Variants in LMO7 observed in about 807,000 individuals in gnomAD.
The protein encoded by LMO7 is LIM domain 7.
In LMO7, 120 loss-of-function variants were observed where a neutral mutation model predicts 206.5. The ratio of observed to expected loss-of-function variants is 0.58; its 90% confidence interval spans 0.50 to 0.68. The LOEUF is 0.68. LMO7 is among the 30% of genes least tolerant of loss of function. LMO7 has a pLI of 0.00. For missense variants in LMO7, 1,959 were observed against 1,957.9 expected, an observed-to-expected ratio of 1.00 and a Z score of -0.01; for synonymous variants, 706 against 681.5, an observed-to-expected ratio of 1.04 and a Z score of -0.56.
At position 75,636,477 on chromosome 13, in the gene LMO7, G is replaced by C. The variant is rs995334260; in HGVS notation, c.-181G>C. ...GGTCTTCACGTTCGTGTAGGTTCGA[G>C]ACCTTAACGAACTGCAGAGCGCAAC... is the stretch of plus-strand genomic sequence containing the variant. On this transcript the variant is annotated 5_prime_UTR_variant, in exon 1 of 31. Transcript: ENST00000377534. The C allele has an allele frequency of 8.3e-6, 12 of 1,450,638 alleles. No homozygotes were observed. In the African/African-American group the frequency reaches 1.7e-4, roughly 21 times the overall value. 89.9% of individuals were successfully genotyped at this position (1,450,638 alleles called of 1,614,324 possible).
At chr13:75,663,682 G>A (rs1387872894) in intron 1 of LMO7, among the ~76,000 whole-genome samples, 5 of 151,940 alleles carry the variant, frequency 3.3e-5, no homozygotes, top group South Asian at 2.1e-4. Flanking sequence ...CACCCGCCTC[G>A]GCCTCCCAAA....
At chr13:75,649,948 T>C (rs2037398474) in intron 1 of LMO7, among the ~76,000 whole-genome samples, 1 of 152,202 alleles carries the variant, frequency 6.6e-6, no homozygotes. Flanking sequence ...AAAATATCTC[T>C]TATGTCCCCA....
At position 75,840,479 on chromosome 13, in the gene LMO7, A is replaced by C. The variant is rs557286247; in HGVS notation, c.3566A>C (p.Gln1189Pro). 1 of 1,613,780 alleles carries C rather than the reference A, an allele frequency of 6.2e-7. No homozygotes were observed. Among genetic ancestry groups the C allele is most frequent in the East Asian group, 2.2e-5 (1 of 44,856 alleles). The change falls in exon 22 of 31, where the codon CAG (glutamine) becomes CCG (proline). Residue 1189 changes from glutamine to proline, a missense_variant. Gln to Pro is a moderately conservative substitution (Grantham distance 76). Coordinates refer to ENST00000377534, the MANE Select transcript of LMO7 (RefSeq NM_001306080.2). ...CGGCAGGAGAGGTGGCAGAAGGAGC[A>C]GGACCGCCTACTGCAGGTAGCTCTG... is the stretch of plus-strand genomic sequence containing the variant. ...RKRQERWQKE[Q>P]DRLLQEKYQR... is the part of the protein sequence containing the mutation.
intron 28 of LMO7, among the ~76,000 whole-genome samples, chr13:75,854,630 A>G (rs2060772224): frequency 6.6e-6 from 1 of 152,156 alleles, no homozygotes; most frequent in South Asian, 2.1e-4. Flanking sequence ...AGACCTGTAT[A>G]CAAAAGTAGA....
chr13:75,849,274 T>C lies in LMO7; in HGVS notation c.4346T>C (p.Leu1449Pro). ...SASVNKEPVSLPGIMRRGESL... is the reference protein window; with the variant it reads ...SASVNKEPVSPPGIMRRGESL... ...AGTGTCAACAAAGAGCCTGTTAGTC[T>C]TCCTGGGATCATGAGAAGGTGCGAG... Residue 1449 changes from leucine (L) to proline (P), a missense_variant, in exon 27 of 31, where the codon CTT becomes CCT. Coordinates refer to ENST00000377534, the MANE Select transcript of LMO7 (RefSeq NM_001306080.2). 1 of 1,613,968 alleles carries C rather than the reference T, an allele frequency of 6.2e-7. No individual in the cohort carries two copies. Among genetic ancestry groups the C allele is most frequent in the Non-Finnish European group, 8.5e-7 (1 of 1,179,850 alleles).
At position 75,689,614 on chromosome 13, in the gene LMO7, A is replaced by G. The variant is rs115212217; in HGVS notation, c.70-23568A>G. ...CATCTAATAAGCTGCTGGCACAGCT[A>G]GAATAAAGCAGGCAAAAGACGGTGG... On this transcript the variant is annotated intron_variant, in intron 1 of 30. Transcript: ENST00000377534. Among the ~76,000 whole-genome samples, 241 of 152,346 alleles carry G rather than the reference A, an allele frequency of 1.6e-3. 1 individual carries two copies. The highest frequency in any genetic ancestry group is 5.7e-3 in the African/African-American group (237 of 41,584).
chr13:75,842,742 C>T, intron 24 of LMO7, 109 bp from the exon 25 acceptor site: 1 of 676,532 alleles, frequency 1.5e-6, no homozygotes, highest in South Asian at 1.8e-5. Flanking sequence ...ACCCAAAGAC[C>T]ATTTGCATAA....
In LMO7 at chr13:75,796,828, TCTC is replaced by T. The variant is rs141210953; in HGVS notation, c.462+82_462+84del. On this transcript the variant is annotated intron_variant, in intron 6 of 30. Coordinates refer to ENST00000377534, the MANE Select transcript of LMO7 (RefSeq NM_001306080.2). The stretch of plus-strand genomic sequence containing the variant: ...TCCCTTCCTCCTCTCTTCTTTTTCT[TCTC>T]CTTCTCCTCTATAACAAATATGGCA... 3.1e-3 allele frequency: 2,711 copies of T among 875,142 alleles called. 41 individuals carry two copies. The African/African-American group carries it at 0.031, about 10-fold the overall frequency. The allele number at this position is 875,142 out of a possible 1,614,324, so 54.2% of individuals were successfully genotyped here.
At chr13:75,826,031 T>A (rs188449045) in intron 15 of LMO7, among the ~76,000 whole-genome samples, 6 of 152,222 alleles carry the variant, frequency 3.9e-5, no homozygotes, top group African/African-American at 9.6e-5. Flanking sequence ...TTTCTTTTTT[T>A]AAAAATTAAT....
At chr13:75,670,329 G>A (rs985119760) in intron 1 of LMO7, among the ~76,000 whole-genome samples, 15 of 152,130 alleles carry the variant, frequency 9.9e-5, no homozygotes, top group Non-Finnish European at 5.9e-5. Context: ...CCACTGAGAA[G>A]GAGTGTACAG....
chr13:75,790,315 T>A (rs1489169181), intron 4 of LMO7, among the ~76,000 whole-genome samples: 1 of 152,058 alleles, frequency 6.6e-6, no homozygotes, highest in Non-Finnish European at 1.5e-5. Flanking sequence ...TGATTAAGCA[T>A]TTTTTAAATC....
intron 1 of LMO7, among the ~76,000 whole-genome samples, chr13:75,651,939 G>A (rs933307165): frequency 3.9e-5 from 6 of 152,004 alleles, no homozygotes. Context: ...TATCTGTAAG[G>A]GAGTCTAAAA....
At chr13:75,621,215 A>G (rs2075184423) in exon 1 of LMO7, 1 of 152,208 alleles carries the variant, frequency 6.6e-6, no homozygotes, top group African/African-American at 2.4e-5. Flanking sequence ...CATCAGATTC[A>G]CCTAATTTTC....
intron 20 of LMO7, chr13:75,838,514 A>C (rs187377525): frequency 1.3e-5 from 5 of 371,884 alleles, no homozygotes. Flanking sequence ...CCACTGGGTA[A>C]CAGTAAGAAA....
intron 1 of LMO7, among the ~76,000 whole-genome samples, chr13:75,637,367 C>G (rs2036042927): frequency 6.6e-6 from 1 of 152,188 alleles, no homozygotes; most frequent in Non-Finnish European, 1.5e-5. Flanking sequence ...AGCTGTTACC[C>G]TCCCAGCTGT....
intron 27 of LMO7, among the ~76,000 whole-genome samples, chr13:75,849,645 TG>T (rs1427537265): frequency 3.3e-5 from 5 of 152,176 alleles, no homozygotes; most frequent in African/African-American, 1.2e-4. Flanking sequence ...AGAACTTTCT[TG>T]GCTGCTGAAC....
At chr13:75,811,897 T>C (rs2056439361) in intron 11 of LMO7, among the ~76,000 whole-genome samples, 1 of 152,212 alleles carries the variant, frequency 6.6e-6, no homozygotes, top group African/African-American at 2.4e-5. Context: ...TGAACACTGA[T>C]TTCACATGAA....
chr13:75,749,835 T>C (rs1411722548), intron 3 of LMO7, among the ~76,000 whole-genome samples: 1 of 151,878 alleles, frequency 6.6e-6, no homozygotes, highest in Non-Finnish European at 1.5e-5. Context: ...CCCCCACCTT[T>C]TTTTTTTTGG....
In LMO7 at chr13:75,628,363, A is replaced by G. The variant is rs1202870813; in HGVS notation, c.225+5043A>G. The G allele has an allele frequency of 2.0e-5, 3 of 152,218 alleles. No individual in the cohort carries two copies. The East Asian group carries it at 5.8e-4, about 29-fold the overall frequency. 9.4% of individuals were successfully genotyped at this position (152,218 alleles called of 1,614,324 possible). On this transcript the variant is annotated intron_variant, in intron 2 of 29. Transcript: ENST00000341547. ...TCCCTCTTATGTTCATTTCTTAATCATTATCTGTAACATTTTGGCTTCCTT... is the reference window on the plus strand; with the variant it reads ...TCCCTCTTATGTTCATTTCTTAATCGTTATCTGTAACATTTTGGCTTCCTT...
Sources: allele counts gnomAD v4.1 joint callset (sites outside exome capture counted in the v4.1 genomes callset), GRCh38; gene constraint gnomAD v4.1.1; transcripts MANE v1.5; gene names NCBI Gene and HGNC (gene_info 2026-07-23, HGNC 2026-07-21).